The following SEMA6D variants were observed in gnomAD, a reference collection of about 807,000 sequenced individuals.
SEMA6D encodes semaphorin-6D.
Under a neutral mutation model 106.6 loss-of-function variants are expected in SEMA6D, and 35 were observed. That is an observed-to-expected ratio of 0.33 (90% CI 0.25 to 0.44). The LOEUF is 0.44. Among genes scored for constraint, SEMA6D ranks in the 20% least tolerant of loss-of-function variants. The pLI, the probability that SEMA6D is intolerant of heterozygous loss-of-function variation, is 1.00. For missense variants in SEMA6D, 1,185 were observed against 1,345.9 expected (o/e 0.88, Z 1.87); for synonymous variants, 499 against 487.7 (o/e 1.02, Z -0.31).
At chr15:47,289,784 T>A (rs2035524175) in intron 1 of SEMA6D, among the ~76,000 whole-genome samples, 1 of 151,734 alleles carries the variant, frequency 6.6e-6, no homozygotes. Flanking sequence ...ACACTAAAGA[T>A]CAGAGAGGAA....
At chr15:47,216,889 G>A (rs2141298885) in intron 1 of SEMA6D, among the ~76,000 whole-genome samples, 1 of 152,278 alleles carries the variant, frequency 6.6e-6, no homozygotes, top group African/African-American at 2.4e-5. Flanking sequence ...TGTGAAGAAA[G>A]AAGCTGCAAT....
At chr15:47,719,591 T>C (rs914647078) in intron 1 of SEMA6D, among the ~76,000 whole-genome samples, 1 of 152,230 alleles carries the variant, frequency 6.6e-6, no homozygotes, top group African/African-American at 2.4e-5. Context: ...CTGAAGTCCC[T>C]GGGAAAGGTC....
chr15:47,186,813 T>A (rs769477405), intron 1 of SEMA6D, among the ~76,000 whole-genome samples: 1 of 152,188 alleles, frequency 6.6e-6, no homozygotes, highest in African/African-American at 2.4e-5. Context: ...TCTTCTGAAG[T>A]CTCCAGACTC....
chr15:47,373,739 C>A (rs144413179), intron 1 of SEMA6D, among the ~76,000 whole-genome samples: 19 of 152,274 alleles, frequency 1.2e-4, no homozygotes, highest in African/African-American at 3.6e-4. Context: ...GGTGATGTTT[C>A]CTGGCAAATT....
intron 2 of SEMA6D, among the ~76,000 whole-genome samples, chr15:47,429,478 A>C (rs2041454179): frequency 6.6e-6 from 1 of 152,130 alleles, no homozygotes; most frequent in Non-Finnish European, 1.5e-5. Context: ...TAAATTGCTA[A>C]GAGGGATTTT....
chr15:47,589,361 G>A (rs1450420229), intron 3 of SEMA6D, among the ~76,000 whole-genome samples: 4 of 152,232 alleles, frequency 2.6e-5, no homozygotes, highest in African/African-American at 7.2e-5. Context: ...GGGAGATGGG[G>A]CAGAAACAGT....
At chr15:47,686,695 C>G (rs2078477081) in intron 4 of SEMA6D, among the ~76,000 whole-genome samples, 1 of 152,182 alleles carries the variant, frequency 6.6e-6, no homozygotes, top group South Asian at 2.1e-4. Flanking sequence ...ATCTCATCAG[C>G]ACTTCAACAT....
chr15:47,641,772 C>G (rs1447670486), intron 4 of SEMA6D, among the ~76,000 whole-genome samples: 1 of 152,186 alleles, frequency 6.6e-6, no homozygotes, highest in Non-Finnish European at 1.5e-5. Context: ...GGTCTTGAAT[C>G]CACCACTCCC....
intron 3 of SEMA6D, among the ~76,000 whole-genome samples, chr15:47,491,210 C>T (rs2043463797): frequency 6.6e-6 from 1 of 152,128 alleles, no homozygotes; most frequent in Non-Finnish European, 1.5e-5. Context: ...GCTCTTTGCC[C>T]ACCCACCTCA....
intron 1 of SEMA6D, among the ~76,000 whole-genome samples, chr15:47,291,275 C>T (rs1323693647): frequency 6.6e-6 from 1 of 152,180 alleles, no homozygotes; most frequent in East Asian, 1.9e-4. Context: ...ACATGAATTG[C>T]CTTTGTGTTC....
At chr15:47,658,745 T>C (rs1427429406) in intron 4 of SEMA6D, among the ~76,000 whole-genome samples, 1 of 152,068 alleles carries the variant, frequency 6.6e-6, no homozygotes, top group African/African-American at 2.4e-5. Flanking sequence ...GAGTAGCAAT[T>C]TGTATTAAAA....
At chr15:47,720,315 C>T (rs576581280) in intron 1 of SEMA6D, among the ~76,000 whole-genome samples, 2 of 141,888 alleles carry the variant, frequency 1.4e-5, no homozygotes, top group Admixed American at 7.3e-5. Flanking sequence ...GAGAGTATGC[C>T]AGAAATGTTG....
At chr15:47,334,120 C>T (rs144165930) in intron 1 of SEMA6D, among the ~76,000 whole-genome samples, 45 of 152,220 alleles carry the variant, frequency 3.0e-4, no homozygotes, top group African/African-American at 9.6e-4. Flanking sequence ...CATAAAATGA[C>T]GAGAGTACTG....
chr15:47,189,504 AAAAAACCCC>A (rs1205017257), intron 1 of SEMA6D, among the ~76,000 whole-genome samples: 2 of 152,212 alleles, frequency 1.3e-5, no homozygotes, highest in Non-Finnish European at 2.9e-5. Context: ...GTTGAGAGAA[AAAAAACCCC>A]AAAAACCACA....
chr15:47,679,412 A>G (rs1381012199), intron 4 of SEMA6D, among the ~76,000 whole-genome samples: 1 of 152,242 alleles, frequency 6.6e-6, no homozygotes, highest in African/African-American at 2.4e-5. Flanking sequence ...TGGCTGAGAA[A>G]TAAAAAAAAG....
At chr15:47,619,002 G>T (rs2077054585) in intron 4 of SEMA6D, among the ~76,000 whole-genome samples, 1 of 152,134 alleles carries the variant, frequency 6.6e-6, no homozygotes, top group African/African-American at 2.4e-5. Flanking sequence ...TGAACCTATG[G>T]GCCAGAAGGG....
intron 4 of SEMA6D, among the ~76,000 whole-genome samples, chr15:47,694,770 A>G (rs2078664211): frequency 6.6e-6 from 1 of 152,176 alleles, no homozygotes; most frequent in African/African-American, 2.4e-5. Flanking sequence ...GGGCACGGAA[A>G]GAATATGGCA....
At chr15:47,206,916 A>G (rs1895108347) in intron 1 of SEMA6D, among the ~76,000 whole-genome samples, 1 of 152,158 alleles carries the variant, frequency 6.6e-6, no homozygotes, top group Non-Finnish European at 1.5e-5. Flanking sequence ...TGCTTCAGAA[A>G]CAAACAGCAA....
intron 4 of SEMA6D, among the ~76,000 whole-genome samples, chr15:47,669,786 C>T (rs1023367561): frequency 1.3e-5 from 2 of 152,216 alleles, no homozygotes; most frequent in African/African-American, 4.8e-5. Context: ...TCGATCACAT[C>T]CCTTCTCATG....
Sources: allele counts gnomAD v4.1 joint callset (sites outside exome capture counted in the v4.1 genomes callset), GRCh38; gene constraint gnomAD v4.1.1; transcripts MANE v1.5; gene names NCBI Gene and HGNC (gene_info 2026-07-23, HGNC 2026-07-21).